CACNA2D3: variants seen among roughly 807,000 people sequenced by gnomAD.
The protein encoded by CACNA2D3 is voltage-dependent calcium channel subunit alpha-2/delta-3.
Under a neutral mutation model 160.6 loss-of-function variants are expected in CACNA2D3, and 60 were observed. The ratio of observed to expected loss-of-function variants is 0.37; its 90% confidence interval spans 0.30 to 0.46. The LOEUF is 0.46. CACNA2D3 is among the 20% of genes least tolerant of loss of function. The pLI is 1.00. For synonymous variants in CACNA2D3, 558 were observed against 492.9 expected, an observed-to-expected ratio of 1.13 and a Z score of -1.75; for missense variants, 1,205 against 1,365.0, an observed-to-expected ratio of 0.88 and a Z score of 1.85.
At chr3:55,059,161 C>A (rs1704439118) in intron 35 of CACNA2D3, among the ~76,000 whole-genome samples, 1 of 152,160 alleles carries the variant, frequency 6.6e-6, no homozygotes, top group Admixed American at 6.5e-5. Context: ...TTTATTCAGG[C>A]TTCCTGATGA....
In CACNA2D3 at chr3:54,879,961, C is replaced by T. The variant is rs1185512654; in HGVS notation, c.1844+550C>T. ...GTGTATGTAGCATTCTAAAGTTTCC[C>T]ACTACTATTAACTTAGTGTTGTAAT... is the stretch of plus-strand genomic sequence containing the variant. On this transcript the variant is annotated intron_variant, in intron 20 of 37. Transcript: ENST00000474759. Among the ~76,000 whole-genome samples, 5 of 152,314 alleles carry T rather than the reference C, an allele frequency of 3.3e-5. No individual in the cohort carries two copies. In the East Asian group the frequency reaches 5.8e-4, roughly 18 times the overall value.
intron 35 of CACNA2D3, among the ~76,000 whole-genome samples, chr3:55,067,379 G>A (rs535890600): frequency 2.0e-5 from 3 of 152,282 alleles, no homozygotes; most frequent in South Asian, 2.1e-4. Flanking sequence ...TTGAACCTCT[G>A]CTCTGCCCCG....
At chr3:54,449,094 C>G (rs1700264832) in intron 4 of CACNA2D3, among the ~76,000 whole-genome samples, 1 of 152,194 alleles carries the variant, frequency 6.6e-6, no homozygotes, top group South Asian at 2.1e-4. Context: ...AGTTTTGAAT[C>G]TCCAGTTCTG....
intron 2 of CACNA2D3, among the ~76,000 whole-genome samples, chr3:54,173,557 A>C (rs1351175203): frequency 6.6e-6 from 1 of 152,258 alleles, no homozygotes; most frequent in African/African-American, 2.4e-5. Context: ...CACCAAAGGC[A>C]GAAGCAAGTT....
intron 2 of CACNA2D3, among the ~76,000 whole-genome samples, chr3:54,209,575 A>G (rs1701335199): frequency 1.3e-5 from 2 of 152,236 alleles, no homozygotes; most frequent in African/African-American, 4.8e-5. Context: ...TTATTTAAAG[A>G]AAAGCGTAAT....
At chr3:54,957,994 C>T (rs1320829499) in intron 27 of CACNA2D3, among the ~76,000 whole-genome samples, 1 of 152,156 alleles carries the variant, frequency 6.6e-6, no homozygotes, top group Admixed American at 6.5e-5. Flanking sequence ...GAGCAAACTC[C>T]CTGAGAATAA....
chr3:54,732,841 G>A (rs1701416845), intron 11 of CACNA2D3, among the ~76,000 whole-genome samples: 1 of 152,148 alleles, frequency 6.6e-6, no homozygotes, highest in Non-Finnish European at 1.5e-5. Context: ...AAAGTCAAAA[G>A]GTCAGAGCAC....
intron 15 of CACNA2D3, among the ~76,000 whole-genome samples, chr3:54,837,712 G>A (rs557009267): frequency 7.2e-5 from 11 of 152,056 alleles, no homozygotes; most frequent in African/African-American, 2.2e-4. Flanking sequence ...TCAGCTTCTC[G>A]GGGCCCCCAG....
At chr3:54,919,067 G>A (rs541057412) in intron 27 of CACNA2D3, among the ~76,000 whole-genome samples, 2 of 151,758 alleles carry the variant, frequency 1.3e-5, no homozygotes, top group South Asian at 4.2e-4. Context: ...TCCTAAATTG[G>A]CTAAATACTA....
chr3:54,845,617 A>C (rs1698915581), intron 16 of CACNA2D3, among the ~76,000 whole-genome samples: 3 of 152,234 alleles, frequency 2.0e-5, no homozygotes, highest in African/African-American at 7.2e-5. Flanking sequence ...AAATATTGTC[A>C]AAAAGCCGGG....
intron 17 of CACNA2D3, among the ~76,000 whole-genome samples, chr3:54,870,788 T>C (rs1432100595): frequency 6.6e-6 from 1 of 152,192 alleles, no homozygotes; most frequent in African/African-American, 2.4e-5. Context: ...CCATGCTTAG[T>C]TCAGTACTGC....
chr3:54,802,666 G>T lies in CACNA2D3; in HGVS notation c.1381-14187G>T, dbSNP rs1316140054. On this transcript the variant is annotated intron_variant, in intron 13 of 37. Transcript: ENST00000474759. ...CAAAAAGACAGCAGTAACCTCTGCA[G>T]ACTTAAATGTCCCTGTCTGACAGCT... Among the ~76,000 whole-genome samples, 3 of 152,180 alleles carry T rather than the reference G, an allele frequency of 2.0e-5. No homozygotes were observed. In the East Asian group the frequency reaches 5.8e-4, roughly 29 times the overall value.
chr3:54,337,087 GAC>G (rs2107522786), intron 3 of CACNA2D3, among the ~76,000 whole-genome samples: 1 of 152,248 alleles, frequency 6.6e-6, no homozygotes, highest in Admixed American at 6.5e-5. Context: ...TAGACAGACA[GAC>G]AGACAGACAG....
chr3:54,837,471 A>G (rs1306244500), intron 15 of CACNA2D3, among the ~76,000 whole-genome samples: 1 of 152,178 alleles, frequency 6.6e-6, no homozygotes, highest in Non-Finnish European at 1.5e-5. Flanking sequence ...CAGAGGAGGA[A>G]AAGCCCCAGA....
intron 11 of CACNA2D3, among the ~76,000 whole-genome samples, chr3:54,674,154 T>G (rs1700201827): frequency 6.6e-6 from 1 of 152,246 alleles, no homozygotes; most frequent in Admixed American, 6.5e-5. Flanking sequence ...CACTCTAGAA[T>G]AACTTTGGGT....
At chr3:54,249,455 A>G (rs1295320842) in intron 2 of CACNA2D3, among the ~76,000 whole-genome samples, 3 of 151,976 alleles carry the variant, frequency 2.0e-5, no homozygotes, top group African/African-American at 4.8e-5. Context: ...CTTTGTCTGC[A>G]CCAGTGGCTC....
intron 35 of CACNA2D3, among the ~76,000 whole-genome samples, chr3:55,067,520 T>A (rs1439716300): frequency 6.6e-6 from 1 of 152,232 alleles, no homozygotes; most frequent in Non-Finnish European, 1.5e-5. Flanking sequence ...AAAATGGGCT[T>A]GACCCTCACA....
chr3:54,551,718 C>T (rs1055235526), intron 5 of CACNA2D3, among the ~76,000 whole-genome samples: 5 of 152,182 alleles, frequency 3.3e-5, no homozygotes, highest in Non-Finnish European at 7.3e-5. Flanking sequence ...CCGTCGTGTT[C>T]AGCACAGATT....
At chr3:54,250,882 C>T (rs1194829286) in intron 2 of CACNA2D3, among the ~76,000 whole-genome samples, 1 of 152,032 alleles carries the variant, frequency 6.6e-6, no homozygotes, top group East Asian at 1.9e-4. Flanking sequence ...AGGCAATATG[C>T]CAGACAGCAG....
Sources: gnomAD v4.1 joint callset for allele counts (sites outside exome capture counted in the v4.1 genomes callset) on GRCh38, gnomAD v4.1.1 for gene constraint, MANE v1.5 for transcripts, NCBI Gene and HGNC (gene_info 2026-07-23, HGNC 2026-07-21) for gene names.